The following LSAMP variants were observed in gnomAD, a reference collection of about 807,000 sequenced individuals.
The protein encoded by LSAMP is limbic system-associated membrane protein.
A neutral mutation model predicts 38.6 loss-of-function variants in LSAMP; 7 were observed. The observed-to-expected ratio is 0.18, with a 90% CI of 0.10 to 0.34. LSAMP has a LOEUF of 0.34. LSAMP is among the 10% of genes least tolerant of loss of function. LSAMP has a pLI of 1.00. For missense variants in LSAMP, 313 were observed against 420.0 expected (o/e 0.75, Z 2.23); for synonymous variants, 154 against 166.8 (o/e 0.92, Z 0.59).
At chr3:116,214,499 C>CT (rs59630662) in intron 1 of LSAMP, among the ~76,000 whole-genome samples, 2,719 of 103,196 alleles carry the variant, frequency 0.026, 64 homozygotes, top group East Asian at 0.042. Context: ...AAAAATGGGT[C>CT]TTTTTTTTTT....
At chr3:115,975,281 GACAA>G (rs751062959) in intron 3 of LSAMP, among the ~76,000 whole-genome samples, 71 of 151,976 alleles carry the variant, frequency 4.7e-4, no homozygotes, top group Admixed American at 3.3e-4. Flanking sequence ...AAAAGAACCT[GACAA>G]ACAAACAAAA....
chr3:116,117,947 T>A lies in LSAMP; in HGVS notation c.156-31391A>T, dbSNP rs183088916. Reference sequence around the variant, plus strand: ...ATTTATTTCGTATATCTTTTTTTTTTAAGATTGTTTTTCTTTTGAGTCATT... The same window carrying A: ...ATTTATTTCGTATATCTTTTTTTTTAAAGATTGTTTTTCTTTTGAGTCATT... On this transcript the variant is annotated intron_variant, in intron 1 of 6. Transcript: ENST00000490035. 2.2e-3 allele frequency among the ~76,000 whole-genome samples: 341 copies of A among 152,230 alleles called. 1 individual carries two copies. Among genetic ancestry groups the A allele is most frequent in the African/African-American group, 7.7e-3 (320 of 41,492 alleles).
At chr3:116,131,287 G>A (rs1237603761) in intron 1 of LSAMP, among the ~76,000 whole-genome samples, 2 of 151,744 alleles carry the variant, frequency 1.3e-5, no homozygotes, top group Admixed American at 6.6e-5. Context: ...CACCTCGCCC[G>A]GCCTAAGGTT....
intron 3 of LSAMP, among the ~76,000 whole-genome samples, chr3:115,982,482 C>A (rs1939390393): frequency 6.6e-6 from 1 of 152,174 alleles, no homozygotes; most frequent in Admixed American, 6.5e-5. Flanking sequence ...AAGGGGAAAT[C>A]CTCAAATTGC....
chr3:116,032,972 C>T (rs1576321144), intron 2 of LSAMP, among the ~76,000 whole-genome samples: 2 of 152,242 alleles, frequency 1.3e-5, no homozygotes, highest in South Asian at 2.1e-4. Context: ...CCACTGATTG[C>T]GTAGAAGCAA....
intron 3 of LSAMP, among the ~76,000 whole-genome samples, chr3:115,879,536 C>T (rs1021519631): frequency 5.9e-5 from 9 of 152,222 alleles, no homozygotes; most frequent in South Asian, 2.1e-4. Flanking sequence ...TAGAAAGAGA[C>T]GTAGTCATTC....
chr3:116,421,202 C>G, intron 1 of LSAMP, among the ~76,000 whole-genome samples: 1 of 152,140 alleles, frequency 6.6e-6, no homozygotes, highest in East Asian at 1.9e-4. Flanking sequence ...AAATTCAAAA[C>G]TTTTACACTT....
chr3:116,181,775 A>G (rs1186678923), intron 1 of LSAMP, among the ~76,000 whole-genome samples: 1 of 151,934 alleles, frequency 6.6e-6, no homozygotes, highest in Non-Finnish European at 1.5e-5. Flanking sequence ...GTGACCCAAG[A>G]CTGATTTTCC....
intron 1 of LSAMP, among the ~76,000 whole-genome samples, chr3:116,406,063 T>C (rs933922208): frequency 2.6e-5 from 4 of 152,182 alleles, no homozygotes; most frequent in Admixed American, 1.3e-4. Flanking sequence ...TACATTTCTA[T>C]CTTTTTTAAT....
intron 3 of LSAMP, among the ~76,000 whole-genome samples, chr3:115,928,797 G>T (rs1937529743): frequency 6.6e-6 from 1 of 152,062 alleles, no homozygotes; most frequent in Non-Finnish European, 1.5e-5. Context: ...TGGATCCCAG[G>T]TCACAGGCCA....
chr3:116,081,434 C>G (rs1228123217), intron 2 of LSAMP, among the ~76,000 whole-genome samples: 1 of 150,046 alleles, frequency 6.7e-6, no homozygotes, highest in East Asian at 1.9e-4. Flanking sequence ...AGCCTGGCGA[C>G]AGAGCAAGAC....
intron 1 of LSAMP, among the ~76,000 whole-genome samples, chr3:116,410,387 A>T (rs2048956132): frequency 6.6e-6 from 1 of 152,074 alleles, no homozygotes; most frequent in Admixed American, 6.6e-5. Context: ...AGGACACTGC[A>T]CAGCAGAAGG....
At chr3:116,414,880 C>T (rs2049028703) in intron 1 of LSAMP, among the ~76,000 whole-genome samples, 1 of 152,058 alleles carries the variant, frequency 6.6e-6, no homozygotes, top group Non-Finnish European at 1.5e-5. Context: ...ACTAAGGTTT[C>T]TCTTTCCTAC....
At chr3:115,979,426 C>T (rs1939292660) in intron 3 of LSAMP, among the ~76,000 whole-genome samples, 1 of 151,996 alleles carries the variant, frequency 6.6e-6, no homozygotes, top group South Asian at 2.1e-4. Flanking sequence ...TTATTATATC[C>T]ATTATGAAAT....
At chr3:116,240,968 G>A (rs1000703897) in intron 1 of LSAMP, among the ~76,000 whole-genome samples, 1 of 152,032 alleles carries the variant, frequency 6.6e-6, no homozygotes, top group East Asian at 1.9e-4. Context: ...CTGAGGTTGG[G>A]AGTTCCAGAC....
chr3:116,046,732 G>T (rs1027597137), intron 2 of LSAMP, among the ~76,000 whole-genome samples: 1 of 152,186 alleles, frequency 6.6e-6, no homozygotes, highest in Non-Finnish European at 1.5e-5. Flanking sequence ...ATCCTTTCTT[G>T]CATTTGCCCA....
chr3:116,390,294 T>G lies in LSAMP; in HGVS notation c.155+54583A>C, dbSNP rs149793412. On this transcript the variant is annotated intron_variant, in intron 1 of 6. Transcript: ENST00000490035. ...CTGTAAGCAGTGGGATATGTTTCACTTTGGAGACTAAAGGTGCCATAGTTT... is the reference window on the plus strand; with the variant it reads ...CTGTAAGCAGTGGGATATGTTTCACGTTGGAGACTAAAGGTGCCATAGTTT... Among the ~76,000 whole-genome samples the G allele has an allele frequency of 4.3e-3, 662 of 152,234 alleles. 8 individuals carry two copies. Among genetic ancestry groups the G allele is most frequent in the African/African-American group, 0.015 (620 of 41,534 alleles).
At chr3:116,399,176 T>G (rs2048808138) in intron 1 of LSAMP, among the ~76,000 whole-genome samples, 1 of 152,204 alleles carries the variant, frequency 6.6e-6, no homozygotes, top group African/African-American at 2.4e-5. Flanking sequence ...TACAAAGGAC[T>G]TGTTCATCTT....
chr3:116,206,054 A>G (rs1374754339), intron 1 of LSAMP, among the ~76,000 whole-genome samples: 1 of 151,830 alleles, frequency 6.6e-6, no homozygotes, highest in African/African-American at 2.4e-5. Context: ...TGGTTGGTAA[A>G]CTATTGATTA....
Sources: allele counts gnomAD v4.1 joint callset (sites outside exome capture counted in the v4.1 genomes callset), GRCh38; gene constraint gnomAD v4.1.1; transcripts MANE v1.5; gene names NCBI Gene and HGNC (gene_info 2026-07-23, HGNC 2026-07-21).